Variants in RARB observed in about 807,000 individuals in gnomAD.
RARB encodes the protein retinoic acid receptor beta, also known as HBV-activated protein.
In RARB, 17 loss-of-function variants were observed where a neutral mutation model predicts 51.9. That is an observed-to-expected ratio of 0.33 (90% confidence interval 0.22 to 0.49). The LOEUF is 0.49. RARB is among the 20% of genes least tolerant of loss of function. The pLI, the probability that RARB is intolerant of heterozygous loss-of-function variation, is 0.99. For missense variants in RARB, 369 were observed against 550.8 expected (o/e 0.67, Z 3.30); for synonymous variants, 215 against 195.4 (o/e 1.10, Z -0.84).
intron 2 of RARB, among the ~76,000 whole-genome samples, chr3:24,939,734 C>T (rs1695620055): frequency 6.6e-6 from 1 of 152,178 alleles, no homozygotes; most frequent in African/African-American, 2.4e-5. Context: ...CTTTGTAAAA[C>T]TAACAATTAC....
chr3:25,574,140 T>G (rs1032106367), intron 4 of RARB, among the ~76,000 whole-genome samples: 10 of 152,188 alleles, frequency 6.6e-5, no homozygotes, highest in African/African-American at 2.2e-4. Context: ...AGAGGTAACA[T>G]CCTCGCTCTG....
chr3:25,018,469 A>G (rs892477921), intron 2 of RARB, among the ~76,000 whole-genome samples: 3 of 152,186 alleles, frequency 2.0e-5, no homozygotes, highest in African/African-American at 7.2e-5. Context: ...CAAGAATGTT[A>G]GCATCTTGAC....
intron 2 of RARB, among the ~76,000 whole-genome samples, chr3:24,937,710 G>C (rs188982883): frequency 5.3e-5 from 8 of 152,172 alleles, no homozygotes; most frequent in Non-Finnish European, 1.2e-4. Context: ...CCTCACTGTT[G>C]GGGCATCCTT....
At chr3:25,460,988 T>TG (rs961073827) in intron 1 of RARB, among the ~76,000 whole-genome samples, 7 of 152,192 alleles carry the variant, frequency 4.6e-5, no homozygotes, top group African/African-American at 1.7e-4. Context: ...GAGAGATGTA[T>TG]GAGACTGCTT....
At chr3:25,000,022 T>C (rs1036216625) in intron 2 of RARB, among the ~76,000 whole-genome samples, 3 of 152,052 alleles carry the variant, frequency 2.0e-5, no homozygotes, top group African/African-American at 7.2e-5. Flanking sequence ...AGTGGGGACA[T>C]TGGCTGATCA....
intron 2 of RARB, among the ~76,000 whole-genome samples, chr3:24,965,092 G>A (rs998850088): frequency 3.9e-5 from 6 of 152,122 alleles, no homozygotes; most frequent in Non-Finnish European, 8.8e-5. Context: ...TTTCTACATT[G>A]GGTGCTAGAA....
At chr3:25,425,114 G>T (rs144046109), upstream of RARB, among the ~76,000 whole-genome samples, 3 of 152,280 alleles carry the variant, frequency 2.0e-5, no homozygotes, top group African/African-American at 7.2e-5. Context: ...ACACATATCA[G>T]AATGTTATTT....
chr3:24,882,082 A>T lies in RARB; in HGVS notation c.-380+23330A>T, dbSNP rs186579133. On this transcript the variant is annotated intron_variant, in intron 2 of 11. Transcript: ENST00000383772. ...TAATAGTGACTTGTATTTGGAGAAT[A>T]AGAGAATAATGTCTATAGGAGGCTG... Among the ~76,000 whole-genome samples the T allele has an allele frequency of 5.9e-5, 9 of 152,340 alleles. No individual in the cohort carries two copies. In the East Asian group the frequency reaches 1.7e-3, roughly 29 times the overall value.
At chr3:25,306,057 G>T (rs1174462194) in intron 5 of RARB, among the ~76,000 whole-genome samples, 2 of 152,146 alleles carry the variant, frequency 1.3e-5, no homozygotes, top group Non-Finnish European at 2.9e-5. Flanking sequence ...AGCCTGGCCT[G>T]TCCTCCGCTG....
rs1703195701 is a variant in RARB at position 25,269,244 on chromosome 3, G to A, written c.178+94669G>A. Among the ~76,000 whole-genome samples, 3 of 152,104 alleles carry A rather than the reference G, an allele frequency of 2.0e-5. No homozygotes were observed. The South Asian group carries it at 6.2e-4, about 32-fold the overall frequency. ...AAGTCCCTTGAATAGTCATAGAAAT[G>A]AGTCCATGAATCTCCTTAAGTATTC... is the stretch of plus-strand genomic sequence containing the variant. On this transcript the variant is annotated intron_variant, in intron 5 of 11. Coordinates refer to the RARB transcript ENST00000383772.
chr3:24,872,829 C>T (rs1210079377), intron 2 of RARB, among the ~76,000 whole-genome samples: 1 of 152,180 alleles, frequency 6.6e-6, no homozygotes, highest in South Asian at 2.1e-4. Context: ...GTATAGACTT[C>T]TCTACCCTAT....
At chr3:25,347,049 G>T (rs1705416691) in intron 5 of RARB, among the ~76,000 whole-genome samples, 1 of 152,178 alleles carries the variant, frequency 6.6e-6, no homozygotes, top group Non-Finnish European at 1.5e-5. Flanking sequence ...TAAAACTGTG[G>T]TGGTTGAGAA....
intron 2 of RARB, among the ~76,000 whole-genome samples, chr3:25,467,414 C>G (rs1695485588): frequency 6.6e-6 from 1 of 152,234 alleles, no homozygotes. Context: ...TGACCAGATC[C>G]TCTCCCCCTG....
chr3:25,338,179 T>C (rs1044782605), intron 5 of RARB, among the ~76,000 whole-genome samples: 11 of 151,286 alleles, frequency 7.3e-5, no homozygotes, highest in African/African-American at 2.4e-4. Context: ...CTGAAACTCA[T>C]GAGCTACATT....
intron 1 of RARB, among the ~76,000 whole-genome samples, chr3:24,854,465 C>G (rs1284378876): frequency 6.6e-6 from 1 of 152,172 alleles, no homozygotes; most frequent in Admixed American, 6.5e-5. Context: ...GTGGAGCTTT[C>G]CTTCTGCAAT....
At chr3:24,835,400 C>T (rs1225681682) in intron 1 of RARB, among the ~76,000 whole-genome samples, 1 of 152,050 alleles carries the variant, frequency 6.6e-6, no homozygotes, top group Non-Finnish European at 1.5e-5. Context: ...ATTCAGGTAC[C>T]ATTTTGGAAG....
intron 4 of RARB, among the ~76,000 whole-genome samples, chr3:25,162,062 G>A (rs1433930402): frequency 6.6e-6 from 1 of 152,124 alleles, no homozygotes; most frequent in Non-Finnish European, 1.5e-5. Context: ...CCAGGAATGG[G>A]TGTGTGGGTT....
At chr3:25,486,885 A>G (rs1286662) in intron 2 of RARB, among the ~76,000 whole-genome samples, 30,403 of 152,124 alleles carry the variant, frequency 0.2, 3,216 homozygotes, top group East Asian at 0.36. Flanking sequence ...ACAGATTATT[A>G]ATTTTATTAT....
At chr3:25,412,609 A>G (rs1325179073) in intron 5 of RARB, among the ~76,000 whole-genome samples, 4 of 152,228 alleles carry the variant, frequency 2.6e-5, no homozygotes, top group East Asian at 1.9e-4. Context: ...ATTTTTAACT[A>G]AAGACTTTTA....
Sources: allele counts gnomAD v4.1 joint callset (sites outside exome capture counted in the v4.1 genomes callset), GRCh38; gene constraint gnomAD v4.1.1; transcripts MANE v1.5; gene names NCBI Gene and HGNC (gene_info 2026-07-23, HGNC 2026-07-21).